RASGRP3: variants seen among roughly 807,000 people sequenced by gnomAD.
RASGRP3 encodes ras guanyl-releasing protein 3.
A neutral mutation model predicts 82.7 loss-of-function variants in RASGRP3; 54 were observed. The observed-to-expected ratio is 0.65, with a 90% confidence interval of 0.52 to 0.82. The LOEUF is 0.82. RASGRP3 is among the 40% of genes least tolerant of loss of function. The pLI is 0.00. For synonymous variants in RASGRP3, 309 were observed against 300.5 expected, an observed-to-expected ratio of 1.03 and a Z score of -0.29; for missense variants, 861 against 828.9, an observed-to-expected ratio of 1.04 and a Z score of -0.48.
intron 9 of RASGRP3, 79 bp downstream of exon 9, chr2:33,524,627 G>A (rs941113699): frequency 3.7e-6 from 4 of 1,068,968 alleles, no homozygotes; most frequent in Non-Finnish European, 5.4e-6. Context: ...CCTAACAAAT[G>A]TCACTCAGAG....
chr2:33,479,199 T>C (rs530613826), intron 1 of RASGRP3, among the ~76,000 whole-genome samples: 4 of 152,306 alleles, frequency 2.6e-5, no homozygotes, highest in African/African-American at 9.6e-5. Flanking sequence ...AAGGGCTAGG[T>C]TTCCCCCTGT....
At position 33,537,809 on chromosome 2, in the gene RASGRP3, G is replaced by C. The variant is rs1027279591; in HGVS notation, c.1162-1285G>C. Among the ~76,000 whole-genome samples, 14 of 152,314 alleles carry C rather than the reference G, an allele frequency of 9.2e-5. No homozygotes were observed. The East Asian group carries it at 2.7e-3, about 29-fold the overall frequency. ...TGGTCTCCTGAAAGGATTGTGTTCT[G>C]TGCTTGTGTTATCCAAGCATGTTAT... On this transcript the variant is annotated intron_variant, in intron 11 of 17. Coordinates refer to ENST00000403687, the MANE Select transcript of RASGRP3 (RefSeq NM_001139488.2).
chr2:33,504,895 G>A (rs565196387), intron 1 of RASGRP3, among the ~76,000 whole-genome samples: 12 of 152,282 alleles, frequency 7.9e-5, no homozygotes, highest in African/African-American at 2.9e-4. Context: ...GAGCACGTTG[G>A]TATTGGCACC....
In RASGRP3 at chr2:33,558,424, C is replaced by T. The variant is rs750506769; in HGVS notation, c.1705+88C>T. 2.6e-5 allele frequency: 41 copies of T among 1,588,102 alleles called. No homozygotes were observed. In the Admixed American group the frequency reaches 4.1e-4, roughly 16 times the overall value. On this transcript the variant is annotated intron_variant, in intron 16 of 17. Transcript: ENST00000403687. The stretch of plus-strand genomic sequence containing the variant: ...CTCATTTAGGTTCTGGGTCTAAACC[C>T]GGTCAGTCACTCTAAACGCTAAGGC...
intron 1 of RASGRP3, among the ~76,000 whole-genome samples, chr2:33,505,113 T>TTCC (rs1035290098): frequency 7.3e-5 from 11 of 151,468 alleles, no homozygotes; most frequent in Non-Finnish European, 1.5e-4. Flanking sequence ...ATTCCTCCTC[T>TTCC]TCCTCCTCCT....
In RASGRP3 at chr2:33,515,188, A is replaced by G; in HGVS notation, c.52A>G (p.Thr18Ala). The change falls in exon 3 of 18, where the codon ACT becomes GCT. Residue 18 changes from threonine (T) to alanine (A), a missense_variant. Thr to Ala is a moderately conservative substitution (Grantham distance 58, BLOSUM62 0). Coordinates refer to ENST00000403687, the MANE Select transcript of RASGRP3 (RefSeq NM_001139488.2). ...AGCAACATTAGATGAACTGCTGTGC[A>G]CTTGCATTGAGATGTTTGGTACGAG... ...KAATLDELLC[T>A]CIEMFDDNGE... 2 of 1,613,950 alleles carry G rather than the reference A, an allele frequency of 1.2e-6. No homozygotes were observed. The highest frequency in any genetic ancestry group is 2.2e-5 in the South Asian group (2 of 91,080).
chr2:33,455,513 T>G (rs1665991640), intron 2 of RASGRP3, among the ~76,000 whole-genome samples: 1 of 152,248 alleles, frequency 6.6e-6, no homozygotes, highest in African/African-American at 2.4e-5. Context: ...TGAACTTCAT[T>G]AATGTCCATA....
rs190066056 is a variant in RASGRP3, at chr2:33,542,666, C to G, written c.1279-846C>G. Among the ~76,000 whole-genome samples the G allele has an allele frequency of 1.3e-4, 19 of 146,180 alleles. 2 individuals carry two copies. Among genetic ancestry groups the G allele is most frequent in the Non-Finnish European group, 2.3e-4 (15 of 65,360 alleles). On this transcript the variant is annotated intron_variant, in intron 12 of 17. Coordinates refer to ENST00000403687, the MANE Select transcript of RASGRP3 (RefSeq NM_001139488.2). Reference sequence around the variant, plus strand: ...TAATCCACCTCCTCTTTCCCCCCCCCACCAATATCACTCTATTTTATTTAT... The same window carrying G: ...TAATCCACCTCCTCTTTCCCCCCCCGACCAATATCACTCTATTTTATTTAT...
chr2:33,455,459 AC>A (rs1361131732), intron 2 of RASGRP3, among the ~76,000 whole-genome samples: 11 of 152,216 alleles, frequency 7.2e-5, no homozygotes, highest in Non-Finnish European at 2.9e-5. Context: ...TTTGTAGATA[AC>A]TGGGCTGGGA....
chr2:33,458,474 G>T lies in RASGRP3; in HGVS notation c.-261+10531G>T, dbSNP rs1016250798. 3.3e-5 allele frequency among the ~76,000 whole-genome samples: 5 copies of T among 152,220 alleles called. No individual in the cohort carries two copies. The East Asian group carries it at 7.7e-4, about 23-fold the overall frequency. On this transcript the variant is annotated intron_variant, in intron 2 of 18. Coordinates refer to the RASGRP3 transcript ENST00000402538. Reference sequence around the variant, plus strand: ...TATTAAAAATATAGACAGATATATTGCAACCTCTCACTACAAAGCCCCAGA... The same window carrying T: ...TATTAAAAATATAGACAGATATATTTCAACCTCTCACTACAAAGCCCCAGA...
intron 2 of RASGRP3, among the ~76,000 whole-genome samples, chr2:33,449,440 A>G (rs557703797): frequency 1.3e-5 from 2 of 152,320 alleles, no homozygotes; most frequent in East Asian, 1.9e-4. Context: ...ATGACATACA[A>G]CAGAATATTT....
At chr2:33,480,233 C>T (rs1214804099) in intron 1 of RASGRP3, among the ~76,000 whole-genome samples, 2 of 151,892 alleles carry the variant, frequency 1.3e-5, no homozygotes, top group Admixed American at 6.6e-5. Flanking sequence ...TTAGTAGAGA[C>T]GGGGTTTCAC....
intron 4 of RASGRP3, among the ~76,000 whole-genome samples, chr2:33,517,682 T>A (rs1671599160): frequency 6.6e-6 from 1 of 152,176 alleles, no homozygotes; most frequent in Non-Finnish European, 1.5e-5. Context: ...ATGACTCCAC[T>A]GTTGAGGTGT....
At chr2:33,474,969 A>T (rs1003988707), upstream of RASGRP3, among the ~76,000 whole-genome samples, 1 of 152,232 alleles carries the variant, frequency 6.6e-6, no homozygotes, top group Non-Finnish European at 1.5e-5. Flanking sequence ...AACCCAGTCA[A>T]TGGTAAACAA....
chr2:33,449,488 G>A (rs552930542), intron 2 of RASGRP3, among the ~76,000 whole-genome samples: 7 of 152,280 alleles, frequency 4.6e-5, no homozygotes, highest in Non-Finnish European at 7.3e-5. Context: ...TAGGCCGGGC[G>A]CGGTGGCTCA....
At chr2:33,453,598 G>A (rs1220388721) in intron 2 of RASGRP3, among the ~76,000 whole-genome samples, 1 of 152,152 alleles carries the variant, frequency 6.6e-6, no homozygotes, top group Non-Finnish European at 1.5e-5. Context: ...AAACCAAGAT[G>A]AAAGATGCAA....
intron 17 of RASGRP3, chr2:33,559,696 G>A (rs956225609): frequency 9.9e-6 from 5 of 506,584 alleles, no homozygotes; most frequent in African/African-American, 1.9e-5. Context: ...TGAGAAAATT[G>A]GCATGATATT....
At chr2:33,497,682 G>A (rs1669452215) in intron 1 of RASGRP3, among the ~76,000 whole-genome samples, 1 of 152,102 alleles carries the variant, frequency 6.6e-6, no homozygotes. Context: ...TAACCTCTTT[G>A]CAGGAAGATA....
At position 33,563,226 on chromosome 2, in the gene RASGRP3, G is replaced by A; in HGVS notation, c.*489G>A. ...TTCTTGTTTTGTTTTGTTTTGTTTT[G>A]TTCTTCTTGGTGTGCTTTTTGGATG... On this transcript the variant is annotated 3_prime_UTR_variant, in exon 18 of 18. Transcript: ENST00000403687. 1 of 126,000 alleles carries A rather than the reference G, an allele frequency of 7.9e-6. No individual in the cohort carries two copies. The highest frequency in any genetic ancestry group is 1.7e-5 in the Non-Finnish European group (1 of 59,756). The allele number at this position is 126,000 out of a possible 1,614,324, so 7.8% of individuals were successfully genotyped here. A position where few individuals can be genotyped will look rare whatever the true frequency, so the allele number is the denominator to read the frequency against.
Sources: gnomAD v4.1 joint callset for allele counts (sites outside exome capture counted in the v4.1 genomes callset) on GRCh38, gnomAD v4.1.1 for gene constraint, MANE v1.5 for transcripts, NCBI Gene and HGNC (gene_info 2026-07-23, HGNC 2026-07-21) for gene names.